MAP4: variants seen among roughly 807,000 people sequenced by gnomAD.
MAP4 encodes microtubule-associated protein 4.
In MAP4, 76 loss-of-function variants were observed where a neutral mutation model predicts 170.2. That is an observed-to-expected ratio of 0.45 (90% CI 0.37 to 0.54). The LOEUF is 0.54. Among genes scored for constraint, MAP4 ranks in the 20% least tolerant of loss-of-function variants. The pLI is 0.00. For missense variants in MAP4, 2,506 were observed against 2,748.0 expected (o/e 0.91, Z 1.97); for synonymous variants, 909 against 994.5 (o/e 0.91, Z 1.62).
chr3:47,973,636 A>T (rs2100080134), intron 3 of MAP4: 1 of 985,318 alleles, frequency 1.0e-6, no homozygotes, highest in South Asian at 4.7e-5. Flanking sequence ...AATAAATGTC[A>T]ATCATGAAGT....
chr3:48,079,594 G>T (rs1279989293), intron 1 of MAP4, among the ~76,000 whole-genome samples: 3 of 151,466 alleles, frequency 2.0e-5, no homozygotes, highest in Non-Finnish European at 4.4e-5. Context: ...GGCAGAGGTT[G>T]CAGTGAGCCG....
intron 1 of MAP4, among the ~76,000 whole-genome samples, chr3:48,061,989 C>T (rs1417623387): frequency 2.6e-5 from 4 of 152,196 alleles, no homozygotes; most frequent in Non-Finnish European, 5.9e-5. Flanking sequence ...GCCACCCCGT[C>T]TGGGAGGTGT....
intron 10 of MAP4, among the ~76,000 whole-genome samples, chr3:47,881,446 C>CCATATATA (rs1301165159): frequency 8.1e-5 from 4 of 49,474 alleles, no homozygotes; most frequent in Non-Finnish European, 1.5e-4. Flanking sequence ...GAAAAAACAA[C>CCATATATA]TATATATATA....
intron 1 of MAP4, among the ~76,000 whole-genome samples, chr3:48,077,817 A>G (rs576308011): frequency 6.6e-6 from 1 of 152,332 alleles, no homozygotes; most frequent in South Asian, 2.1e-4. Context: ...CATAAACAAA[A>G]TGCATTATAT....
At chr3:48,050,178 T>C (rs891063962) in intron 1 of MAP4, among the ~76,000 whole-genome samples, 1 of 150,632 alleles carries the variant, frequency 6.6e-6, no homozygotes, top group South Asian at 2.1e-4. Flanking sequence ...GAGAATCGCT[T>C]GAACCCGGGA....
intron 3 of MAP4, among the ~76,000 whole-genome samples, chr3:47,956,790 T>C (rs1319792612): frequency 6.6e-6 from 1 of 152,204 alleles, no homozygotes; most frequent in Non-Finnish European, 1.5e-5. Flanking sequence ...CAAGAGTGCT[T>C]GCTCAATAAA....
At chr3:48,041,397 C>A (rs2100121564) in intron 1 of MAP4, among the ~76,000 whole-genome samples, 1 of 151,866 alleles carries the variant, frequency 6.6e-6, no homozygotes, top group Non-Finnish European at 1.5e-5. Context: ...CAGGCATAAG[C>A]CACCGTGCCC....
At chr3:47,986,426 C>T (rs1209241591) in intron 2 of MAP4, among the ~76,000 whole-genome samples, 2 of 152,042 alleles carry the variant, frequency 1.3e-5, no homozygotes, top group Non-Finnish European at 2.9e-5. Flanking sequence ...CTGCAACCTC[C>T]ACCTCCTGGG....
chr3:47,916,363 C>A lies in MAP4; in HGVS notation c.1464G>T (p.Pro488=), dbSNP rs760626672. ...MAQLPETEIA[P]AKDVAPSTVK... ...CTGTGGACGGAGCCACATCCTTGGCCGGGGCTATTTCTGTTTCTGGGAGTT... is the reference window on the plus strand; with the variant it reads ...CTGTGGACGGAGCCACATCCTTGGCAGGGGCTATTTCTGTTTCTGGGAGTT... Residue 488 remains proline (P), a synonymous_variant, in exon 7 of 21, where the codon CCG becomes CCT. Coordinates refer to ENST00000683076, the MANE Select transcript of MAP4 (RefSeq NM_001385682.1). 1 of 1,613,982 alleles carries A rather than the reference C, an allele frequency of 6.2e-7. No homozygotes were observed. Among genetic ancestry groups the A allele is most frequent in the Non-Finnish European group, 8.5e-7 (1 of 1,180,000 alleles).
rs570165821 is a variant in MAP4 at position 47,930,038 on chromosome 3, G to A, written c.293-1688C>T. Among the ~76,000 whole-genome samples the A allele has an allele frequency of 1.4e-3, 210 of 152,332 alleles. 1 individual carries two copies. The highest frequency in any genetic ancestry group is 4.8e-3 in the African/African-American group (198 of 41,588). ...CCAGCTACTCAGGAGGCTGAGGCAG[G>A]ATAATCACCTGAGCCTGGGAGGCGA... On this transcript the variant is annotated intron_variant, in intron 3 of 20. Coordinates refer to ENST00000683076, the MANE Select transcript of MAP4 (RefSeq NM_001385682.1).
At chr3:48,065,261 T>C (rs966823027) in intron 1 of MAP4, among the ~76,000 whole-genome samples, 6 of 152,200 alleles carry the variant, frequency 3.9e-5, no homozygotes, top group East Asian at 1.9e-4. Context: ...ATCTCAAACA[T>C]AGCAATCTAA....
chr3:48,020,641 C>A (rs1046007688), upstream of MAP4, among the ~76,000 whole-genome samples: 4 of 151,930 alleles, frequency 2.6e-5, no homozygotes, highest in African/African-American at 7.3e-5. Context: ...TTGAAGAGAT[C>A]TTTCAAGTTA....
At chr3:48,028,977 G>A (rs780234777) in intron 1 of MAP4, among the ~76,000 whole-genome samples, 11 of 148,498 alleles carry the variant, frequency 7.4e-5, no homozygotes, top group Non-Finnish European at 1.3e-4. Context: ...CCCCTGCCTC[G>A]ATAAAAAATA....
At chr3:47,915,830 G>T in intron 7 of MAP4, 121 bp downstream of exon 7, 1 of 1,118,466 alleles carries the variant, frequency 8.9e-7, no homozygotes, top group Non-Finnish European at 1.3e-6. Flanking sequence ...GCAGGAGTAT[G>T]AATAAACTTG....
chr3:48,052,312 C>T (rs2100128359), intron 1 of MAP4, among the ~76,000 whole-genome samples: 1 of 152,208 alleles, frequency 6.6e-6, no homozygotes. Context: ...ACCTCCACGT[C>T]CTGGTTCAAG....
At chr3:47,876,374 G>T (rs1044196354) in intron 11 of MAP4, among the ~76,000 whole-genome samples, 1 of 152,032 alleles carries the variant, frequency 6.6e-6, no homozygotes, top group African/African-American at 2.4e-5. Context: ...CTTGTGATCT[G>T]CCCGCCTCGG....
At chr3:47,951,927 T>C (rs2100064322) in intron 3 of MAP4, among the ~76,000 whole-genome samples, 5 of 134,452 alleles carry the variant, frequency 3.7e-5, no homozygotes, top group Admixed American at 7.5e-5. Flanking sequence ...CCGGCCGCCA[T>C]CCCAACTAGG....
At chr3:47,903,648 T>G (rs1351824647) in intron 9 of MAP4, among the ~76,000 whole-genome samples, 1 of 152,232 alleles carries the variant, frequency 6.6e-6, no homozygotes, top group Non-Finnish European at 1.5e-5. Flanking sequence ...AACCTTCTGT[T>G]AAAGTTTCCC....
intron 10 of MAP4, chr3:47,891,491 GGCA>G: frequency 6.6e-7 from 1 of 1,515,896 alleles, no homozygotes; most frequent in Non-Finnish European, 8.8e-7. Flanking sequence ...ACTAGGGGGA[GGCA>G]GCAGGCCAGA....
Sources: gnomAD v4.1 joint callset for allele counts (sites outside exome capture counted in the v4.1 genomes callset) on GRCh38, gnomAD v4.1.1 for gene constraint, MANE v1.5 for transcripts, NCBI Gene and HGNC (gene_info 2026-07-23, HGNC 2026-07-21) for gene names.